The following DNER variants were observed in gnomAD, a reference collection of about 807,000 sequenced individuals.
DNER encodes the protein delta and Notch-like epidermal growth factor-related receptor.
In DNER, 33 loss-of-function variants were observed where a neutral mutation model predicts 78.2. That is an observed-to-expected ratio of 0.42 (90% CI 0.32 to 0.56). The LOEUF is 0.56. DNER is among the 20% of genes least tolerant of loss of function. The pLI is 0.11. For missense variants in DNER, 918 were observed against 975.3 expected (o/e 0.94, Z 0.78); for synonymous variants, 417 against 384.8 (o/e 1.08, Z -0.98).
At chr2:229,645,791 G>A in intron 1 of DNER, among the ~76,000 whole-genome samples, 1 of 152,190 alleles carries the variant, frequency 6.6e-6, no homozygotes. Context: ...GCAAGGCACT[G>A]AGGAGAACCG....
chr2:229,663,499 C>G (rs1214552920), intron 1 of DNER, among the ~76,000 whole-genome samples: 2 of 152,196 alleles, frequency 1.3e-5, no homozygotes, highest in Non-Finnish European at 2.9e-5. Context: ...TACTTGTATG[C>G]TGCACAGACA....
chr2:229,682,330 A>G (rs577441498), intron 1 of DNER, among the ~76,000 whole-genome samples: 121 of 152,366 alleles, frequency 7.9e-4, no homozygotes, highest in African/African-American at 2.6e-3. Flanking sequence ...TAAGAACTTC[A>G]GAAGACTCAA....
intron 7 of DNER, among the ~76,000 whole-genome samples, chr2:229,458,713 C>G (rs745948188): frequency 6.6e-6 from 1 of 150,498 alleles, no homozygotes; most frequent in Non-Finnish European, 1.5e-5. Context: ...AGATAGAGAG[C>G]AAAGCAAGGA....
At chr2:229,583,111 CAATT>C (rs1235604676) in intron 4 of DNER, among the ~76,000 whole-genome samples, 4 of 152,170 alleles carry the variant, frequency 2.6e-5, no homozygotes, top group Admixed American at 6.5e-5. Context: ...AAATCCATCT[CAATT>C]AATCCCCATC....
At chr2:229,400,274 C>A (rs924075698) in intron 10 of DNER, among the ~76,000 whole-genome samples, 3 of 151,988 alleles carry the variant, frequency 2.0e-5, no homozygotes, top group African/African-American at 4.8e-5. Context: ...CTACATCATG[C>A]AATATTTATG....
At chr2:229,414,720 C>A (rs2106347583) in intron 9 of DNER, among the ~76,000 whole-genome samples, 1 of 152,292 alleles carries the variant, frequency 6.6e-6, no homozygotes, top group East Asian at 1.9e-4. Context: ...CCTAGGGAGT[C>A]ACACCCTTGT....
chr2:229,687,443 T>A (rs1699503267), intron 1 of DNER, among the ~76,000 whole-genome samples: 1 of 151,986 alleles, frequency 6.6e-6, no homozygotes, highest in Non-Finnish European at 1.5e-5. Context: ...TTTGTATTTT[T>A]AGTAGACATA....
At chr2:229,514,043 C>A in intron 5 of DNER, among the ~76,000 whole-genome samples, 1 of 152,150 alleles carries the variant, frequency 6.6e-6, no homozygotes, top group East Asian at 1.9e-4. Context: ...GTTATCCATT[C>A]TTCTCTTTAG....
At chr2:229,635,726 T>G (rs1406077579) in intron 1 of DNER, among the ~76,000 whole-genome samples, 3 of 152,200 alleles carry the variant, frequency 2.0e-5, no homozygotes, top group Non-Finnish European at 4.4e-5. Context: ...GAGCACCATT[T>G]CCTAAATATG....
chr2:229,458,011 C>T (rs1160522659), intron 7 of DNER, among the ~76,000 whole-genome samples: 1 of 151,036 alleles, frequency 6.6e-6, no homozygotes. Flanking sequence ...TGGTGTGCAC[C>T]TGTAATCCCA....
chr2:229,503,867 G>A (rs1695678331), intron 6 of DNER, among the ~76,000 whole-genome samples: 1 of 151,648 alleles, frequency 6.6e-6, no homozygotes, highest in South Asian at 2.1e-4. Flanking sequence ...TCAGCCTCCT[G>A]AGTAGCTGGT....
At chr2:229,611,237 C>A (rs556309497) in intron 1 of DNER, among the ~76,000 whole-genome samples, 1 of 152,018 alleles carries the variant, frequency 6.6e-6, no homozygotes, top group South Asian at 2.1e-4. Flanking sequence ...CAAACAGCTA[C>A]GAAGTCATTT....
At chr2:229,545,646 T>C (rs1696614025) in intron 5 of DNER, among the ~76,000 whole-genome samples, 1 of 152,208 alleles carries the variant, frequency 6.6e-6, no homozygotes, top group Non-Finnish European at 1.5e-5. Context: ...GGTCCTTTGT[T>C]CATCTGACTC....
chr2:229,481,149 G>A (rs1574862396), intron 6 of DNER, among the ~76,000 whole-genome samples: 1 of 152,328 alleles, frequency 6.6e-6, no homozygotes, highest in East Asian at 1.9e-4. Flanking sequence ...AAAGGGAGGG[G>A]CCCTTTGGCA....
At chr2:229,505,046 G>T (rs77823047) in intron 6 of DNER, among the ~76,000 whole-genome samples, 8,302 of 152,248 alleles carry the variant, frequency 0.055, 672 homozygotes, top group African/African-American at 0.18. Context: ...AGGATGATAT[G>T]TTCATAACAT....
At chr2:229,703,328 T>A (rs1283791801) in intron 1 of DNER, among the ~76,000 whole-genome samples, 1 of 152,188 alleles carries the variant, frequency 6.6e-6, no homozygotes, top group Non-Finnish European at 1.5e-5. Context: ...TCTGAAACTA[T>A]TAGACATTTG....
At chr2:229,465,429 G>A (rs1260033991) in intron 7 of DNER, among the ~76,000 whole-genome samples, 2 of 152,090 alleles carry the variant, frequency 1.3e-5, no homozygotes, top group African/African-American at 4.8e-5. Context: ...GGGACCAGGG[G>A]GCTGAGGGAG....
chr2:229,429,057 A>C (rs1222011022), intron 8 of DNER, among the ~76,000 whole-genome samples: 1 of 152,112 alleles, frequency 6.6e-6, no homozygotes, highest in Non-Finnish European at 1.5e-5. Flanking sequence ...GCCCCTGCAG[A>C]GTGATGTCTC....
intron 1 of DNER, among the ~76,000 whole-genome samples, chr2:229,655,386 C>T (rs746187001): frequency 6.6e-6 from 1 of 152,020 alleles, no homozygotes; most frequent in Non-Finnish European, 1.5e-5. Flanking sequence ...TTTTAAAAAC[C>T]TCCTGGAGTG....
Sources: gnomAD v4.1 joint callset for allele counts (sites outside exome capture counted in the v4.1 genomes callset) on GRCh38, gnomAD v4.1.1 for gene constraint, MANE v1.5 for transcripts, NCBI Gene and HGNC (gene_info 2026-07-23, HGNC 2026-07-21) for gene names.